UVSSA: variants seen among roughly 807,000 people sequenced by gnomAD.
UVSSA encodes the protein UV stimulated scaffold protein A, also known as UV-stimulated scaffold protein A.
In UVSSA, 72 loss-of-function variants were observed where a neutral mutation model predicts 73.9. The observed-to-expected ratio is 0.97, with a 90% CI of 0.81 to 1.19. UVSSA has a LOEUF of 1.19. Ranked by LOEUF, UVSSA falls within the 50% of genes most tolerant of loss-of-function variation. The probability of loss-of-function intolerance (pLI) is 0.00; values close to 1 mark genes in which losing one functional copy is unlikely to be tolerated. For missense variants in UVSSA, 1,150 were observed against 965.0 expected, an observed-to-expected ratio of 1.19 and a Z score of -2.54; for synonymous variants, 454 against 391.3, an observed-to-expected ratio of 1.16 and a Z score of -1.89.
chr4:1,376,681 A>G (rs1718808747), intron 10 of UVSSA, among the ~76,000 whole-genome samples: 3 of 152,184 alleles, frequency 2.0e-5, no homozygotes, highest in Admixed American at 2.0e-4. Context: ...CTGCAGCAGA[A>G]GGGGGCACAC....
upstream of UVSSA, among the ~76,000 whole-genome samples, chr4:1,344,676 T>C (rs1406794537): frequency 1.3e-5 from 2 of 152,198 alleles, no homozygotes; most frequent in Admixed American, 1.3e-4. Context: ...CAAAGATCCC[T>C]ATTTTCAGGG....
chr4:1,374,575 C>T (rs778828652), intron 8 of UVSSA, among the ~76,000 whole-genome samples: 4 of 152,216 alleles, frequency 2.6e-5, no homozygotes, highest in East Asian at 1.9e-4. Flanking sequence ...CTCTGTGGGA[C>T]GTTGGTGAGA....
intron 13 of UVSSA, 88 bp from the exon 14 acceptor site, chr4:1,385,780 C>T (rs1282350081): frequency 7.3e-7 from 1 of 1,375,960 alleles, no homozygotes; most frequent in Non-Finnish European, 1.0e-6. Context: ...GCCCCAGGAC[C>T]AGTGCCTAAC....
At position 1,386,033 on chromosome 4, in the gene UVSSA, G is replaced by A. The variant is rs1173700700; in HGVS notation, c.*72G>A. ...AGTGTCTCAGGACAGCAGAGTGGGC[G>A]TGGGTCTGGGCAGTAACCATGCTTT... On this transcript the variant is annotated 3_prime_UTR_variant, in exon 14 of 14. Transcript: ENST00000389851. 22 of 1,489,162 alleles carry A rather than the reference G, an allele frequency of 1.5e-5. No individual in the cohort carries two copies. The highest frequency in any genetic ancestry group is 1.5e-4 in the South Asian group (13 of 88,224). 92.2% of individuals were successfully genotyped at this position (1,489,162 alleles called of 1,614,324 possible).
At chr4:1,388,424 A>C (rs1720308254), downstream of UVSSA, 1 of 152,222 alleles carries the variant, frequency 6.6e-6, no homozygotes. Context: ...TCATCTGCAA[A>C]CAGCTTTCTT....
exon 14 of UVSSA, chr4:1,395,258 C>A (rs780897356): frequency 6.5e-7 from 1 of 1,538,350 alleles, no homozygotes; most frequent in Non-Finnish European, 8.7e-7. Flanking sequence ...TGTGGAGTGC[C>A]CGCCTGCTCA....
At chr4:1,358,364 T>C (rs1716099905) in intron 7 of UVSSA, 1 of 152,292 alleles carries the variant, frequency 6.6e-6, no homozygotes, top group Non-Finnish European at 1.5e-5. Context: ...TGAGGCTGGA[T>C]TGAGGATGTC....
intron 7 of UVSSA, among the ~76,000 whole-genome samples, chr4:1,364,220 G>A (rs746347481): frequency 2.9e-5 from 2 of 68,602 alleles, no homozygotes; most frequent in Non-Finnish European, 3.1e-5. Context: ...GCAGGGTGCT[G>A]GTGCCCGGGC....
At position 1,386,323 on chromosome 4, in the gene UVSSA, G is replaced by A. The variant is rs1720112772; in HGVS notation, c.*362G>A. 1 of 198,504 alleles carries A rather than the reference G, an allele frequency of 5.0e-6. No individual in the cohort carries two copies. Among genetic ancestry groups the A allele is most frequent in the South Asian group, 1.0e-4 (1 of 9,702 alleles). The allele number at this position is 198,504 out of a possible 1,614,324, so 12.3% of individuals were successfully genotyped here. A position where few individuals can be genotyped will look rare whatever the true frequency, so the allele number is the denominator to read the frequency against. On this transcript the variant is annotated 3_prime_UTR_variant, in exon 14 of 14. Transcript: ENST00000389851. ...CAGCCTTCAGAGCGTGCATTCCCCAGCCAGGAGGCGACCACTCAGAGGAAC... is the reference window on the plus strand; with the variant it reads ...CAGCCTTCAGAGCGTGCATTCCCCAACCAGGAGGCGACCACTCAGAGGAAC...
At chr4:1,365,873 G>A (rs1717244922) in intron 7 of UVSSA, among the ~76,000 whole-genome samples, 2 of 151,474 alleles carry the variant, frequency 1.3e-5, no homozygotes, top group Non-Finnish European at 2.9e-5. Context: ...AGCCTCAGGG[G>A]CACCGCAGAC....
At chr4:1,363,963 T>C (rs1262871408) in intron 7 of UVSSA, among the ~76,000 whole-genome samples, 1 of 152,052 alleles carries the variant, frequency 6.6e-6, no homozygotes, top group Non-Finnish European at 1.5e-5. Flanking sequence ...GGCAGGGTGC[T>C]GGTGCCCGGG....
In UVSSA at chr4:1,350,894, T is replaced by G. The variant is rs531508130; in HGVS notation, c.430-821T>G. ...ACATTCTGTATAGATAGCTCTAGTT[T>G]TTGTTGTTGTTGTTGATGATGTTGT... On this transcript the variant is annotated intron_variant, in intron 3 of 13. Transcript: ENST00000389851. Among the ~76,000 whole-genome samples the G allele has an allele frequency of 2.2e-4, 33 of 152,294 alleles. No individual in the cohort carries two copies. The South Asian group carries it at 4.6e-3, about 21-fold the overall frequency.
rs768367735 is a variant in UVSSA, at chr4:1,351,731, C to T, written c.446C>T (p.Thr149Met). 6.2e-6 allele frequency: 10 copies of T among 1,613,196 alleles called. No homozygotes were observed. The Admixed American group carries it at 8.3e-5, about 13-fold the overall frequency. ...ATTGCTCAGGTGGATTTTCAAGACA[C>T]GAATGCTCGGAGTCTGGCAGAAAGG... Reference protein sequence around the residue: ...RHNKKVDFQDTNARSLAERKR... With the variant: ...RHNKKVDFQDMNARSLAERKR... Residue 149 changes from threonine (T) to methionine (M), a missense_variant, in exon 4 of 14, where the codon ACG becomes ATG. Thr to Met is a moderately conservative substitution (Grantham distance 81). Transcript: ENST00000389851.
At chr4:1,388,150 T>C (rs1334447067), downstream of UVSSA, 1 of 152,214 alleles carries the variant, frequency 6.6e-6, no homozygotes, top group Non-Finnish European at 1.5e-5. Context: ...TTGTTAAATT[T>C]ACTCATATTT....
intron 7 of UVSSA, among the ~76,000 whole-genome samples, chr4:1,357,777 C>T (rs1716002579): frequency 6.6e-6 from 1 of 152,236 alleles, no homozygotes; most frequent in African/African-American, 2.4e-5. Context: ...AGGCTGCAGG[C>T]TCCTGCTGGC....
intron 8 of UVSSA, among the ~76,000 whole-genome samples, chr4:1,371,745 A>G (rs1718063557): frequency 6.6e-6 from 1 of 152,144 alleles, no homozygotes; most frequent in African/African-American, 2.4e-5. Context: ...CAGCACGGGG[A>G]AGACCCACCA....
At chr4:1,366,474 C>G (rs761753800) in intron 8 of UVSSA, 43 bp downstream of exon 8, 49 of 1,498,620 alleles carry the variant, frequency 3.3e-5, no homozygotes, top group Admixed American at 1.5e-4. Flanking sequence ...GGTGGAGGGT[C>G]CCCCACTCAG....
At chr4:1,394,708 C>G (rs140738884) in exon 14 of UVSSA, 1 of 1,601,606 alleles carries the variant, frequency 6.2e-7, no homozygotes. Context: ...TGCCCGCCTG[C>G]TCACACACGT....
chr4:1,351,958 G>A, intron 4 of UVSSA, 123 bp downstream of exon 4: 1 of 1,462,614 alleles, frequency 6.8e-7, no homozygotes, highest in Non-Finnish European at 9.2e-7. Context: ...AGGCTAGGTG[G>A]AGAGGATTCA....
Sources: allele counts gnomAD v4.1 joint callset (sites outside exome capture counted in the v4.1 genomes callset), GRCh38; gene constraint gnomAD v4.1.1; transcripts MANE v1.5; gene names NCBI Gene and HGNC (gene_info 2026-07-23, HGNC 2026-07-21).